Variants in EFNA2 observed in about 807,000 individuals in gnomAD.
EFNA2 encodes ephrin-A2.
Under a neutral mutation model 19.7 loss-of-function variants are expected in EFNA2, and 18 were observed. That is an observed-to-expected ratio of 0.91 (90% CI 0.63 to 1.35). The LOEUF (loss-of-function observed/expected upper bound fraction) is 1.35, where lower values mean the gene tolerates loss of function less well. Among genes scored for constraint, EFNA2 ranks in the 40% most tolerant of loss-of-function variants. EFNA2 has a pLI of 0.00. For missense variants in EFNA2, 303 were observed against 296.0 expected, an observed-to-expected ratio of 1.02 and a Z score of -0.17; for synonymous variants, 187 against 137.8, an observed-to-expected ratio of 1.36 and a Z score of -2.50.
chr19:1,291,906 T>C (rs2081493310), intron 1 of EFNA2, among the ~76,000 whole-genome samples: 1 of 152,038 alleles, frequency 6.6e-6, no homozygotes, highest in Non-Finnish European at 1.5e-5. Flanking sequence ...CCTGGAGGCG[T>C]GGACTTTGGC....
At chr19:1,285,805 C>A (rs2081460632), upstream of EFNA2, among the ~76,000 whole-genome samples, 1 of 148,592 alleles carries the variant, frequency 6.7e-6, no homozygotes, top group Non-Finnish European at 1.5e-5. The surrounding 1 kb of genome is among the most constrained non-coding windows in gnomAD (Gnocchi z 4.1). Flanking sequence ...CGCCCAGTCC[C>A]CGCGCGGCCG....
At position 1,301,214 on chromosome 19, in the gene EFNA2, T is replaced by A. The variant is rs1600064254; in HGVS notation, c.*1269T>A. Among the ~76,000 whole-genome samples, 2 of 149,830 alleles carry A rather than the reference T, an allele frequency of 1.3e-5. No homozygotes were observed. The highest frequency in any genetic ancestry group is 3.9e-4 in the East Asian group (2 of 5,144). On this transcript the variant is annotated 3_prime_UTR_variant, in exon 4 of 4. Coordinates refer to ENST00000215368, the MANE Select transcript of EFNA2 (RefSeq NM_001405.4). ...TCTACCCGCCTTTCCTGACTCTGTGTTTTATATATATTATATATAAATATA... is the reference window on the plus strand; with the variant it reads ...TCTACCCGCCTTTCCTGACTCTGTGATTTATATATATTATATATAAATATA...
intron 1 of EFNA2, among the ~76,000 whole-genome samples, chr19:1,291,545 C>T (rs901619433): frequency 6.6e-6 from 1 of 152,074 alleles, no homozygotes; most frequent in East Asian, 1.9e-4. Flanking sequence ...CTTCAGGACC[C>T]GGGCTGCCTG....
chr19:1,295,675 C>G lies in EFNA2; in HGVS notation c.271C>G (p.Leu91Val), dbSNP rs1011707206. The G allele has an allele frequency of 6.2e-7, 1 of 1,611,190 alleles. No homozygotes were observed. The highest frequency in any genetic ancestry group is 8.5e-7 in the Non-Finnish European group (1 of 1,179,262). Reference protein sequence around the residue: ...PPAERMEHYVLYMVNGEGHAS... With the variant: ...PPAERMEHYVVYMVNGEGHAS... ...GGCCGAGCGCATGGAGCACTACGTG[C>G]TGTACATGGTCAACGGCGAGGGCCA... Residue 91 changes from leucine (L) to valine (V), a missense_variant, in exon 2 of 4, where the codon CTG becomes GTG. Transcript: ENST00000215368. This position sits in a 1 kb window ranked among gnomAD's most constrained non-coding sequence, Gnocchi z 5.8.
At chr19:1,298,272 G>C (rs1329364567) in intron 2 of EFNA2, among the ~76,000 whole-genome samples, 6 of 151,966 alleles carry the variant, frequency 3.9e-5, no homozygotes, top group Non-Finnish European at 5.9e-5. Context: ...AGCTCACCCT[G>C]TGCTGCCCTG....
In EFNA2 at chr19:1,287,278, G is replaced by A. The variant is rs565873605; in HGVS notation, c.140+970G>A. Among the ~76,000 whole-genome samples the A allele has an allele frequency of 3.9e-5, 6 of 152,246 alleles. No individual in the cohort carries two copies. Among genetic ancestry groups the A allele is most frequent in the African/African-American group, 7.2e-5 (3 of 41,534 alleles). On this transcript the variant is annotated intron_variant, in intron 1 of 3. Coordinates refer to ENST00000215368, the MANE Select transcript of EFNA2 (RefSeq NM_001405.4). This position sits in a 1 kb window ranked among gnomAD's most constrained non-coding sequence, Gnocchi z 6.2. ...CTTCCCTGGGGGTCCCGTGGGAGCC[G>A]GGGCTTTGGGGGTCCTGGGGCTCGG... is the stretch of plus-strand genomic sequence containing the variant.
rs145610578 is a variant in EFNA2, at chr19:1,287,127, C to T, written c.140+819C>T. Among the ~76,000 whole-genome samples, 579 of 152,310 alleles carry T rather than the reference C, an allele frequency of 3.8e-3. 3 individuals carry two copies. The highest frequency in any genetic ancestry group is 0.013 in the African/African-American group (529 of 41,558). The stretch of plus-strand genomic sequence containing the variant: ...TGAACCAGGTCCGGGCCAGGCACAA[C>T]GTGGGGGACAGGAGAAGCCCCCGTT... On this transcript the variant is annotated intron_variant, in intron 1 of 3. Transcript: ENST00000215368. The surrounding 1 kb of genome is among the most constrained non-coding windows in gnomAD (Gnocchi z 6.2).
At position 1,296,680 on chromosome 19, in the gene EFNA2, G is replaced by A. The variant is rs1300293990; in HGVS notation, c.454+822G>A. On this transcript the variant is annotated intron_variant, in intron 2 of 3. Coordinates refer to ENST00000215368, the MANE Select transcript of EFNA2 (RefSeq NM_001405.4). This position sits in a 1 kb window ranked among gnomAD's most constrained non-coding sequence, Gnocchi z 4.4. ...AAGAAAAAAACCCCACAGGGCCCCTGCCGCACCAGCCGCACCCAGACTGGG... is the reference window on the plus strand; with the variant it reads ...AAGAAAAAAACCCCACAGGGCCCCTACCGCACCAGCCGCACCCAGACTGGG... Among the ~76,000 whole-genome samples the A allele has an allele frequency of 6.6e-6, 1 of 152,144 alleles. No homozygotes were observed. The highest frequency in any genetic ancestry group is 6.5e-5 in the Admixed American group (1 of 15,276).
chr19:1,295,583 C>T lies in EFNA2; in HGVS notation c.179C>T (p.Thr60Met), dbSNP rs946603395. The change falls in exon 2 of 4, where the codon ACG becomes ATG. Residue 60 changes from threonine to methionine, a missense_variant. By Grantham distance (81) the Thr-to-Met change is moderately conservative. Coordinates refer to ENST00000215368, the MANE Select transcript of EFNA2 (RefSeq NM_001405.4). This position sits in a 1 kb window ranked among gnomAD's most constrained non-coding sequence, Gnocchi z 5.8. ...GCGGGGGACGACGGCGGGGGCTACA[C>T]GGTGGAGGTGAGCATCAATGACTAC... ...AGAGDDGGGYTVEVSINDYLD... is the reference protein window; with the variant it reads ...AGAGDDGGGYMVEVSINDYLD... 6.2e-7 allele frequency: 1 copy of T among 1,608,600 alleles called. No individual in the cohort carries two copies. Among genetic ancestry groups the T allele is most frequent in the Admixed American group, 1.7e-5 (1 of 59,564 alleles).
chr19:1,295,415 C>G lies in EFNA2; in HGVS notation c.141-130C>G. The G allele has an allele frequency of 1.0e-6, 1 of 978,896 alleles. No individual in the cohort carries two copies. The highest frequency in any genetic ancestry group is 1.4e-6 in the Non-Finnish European group (1 of 697,246). 60.6% of individuals were successfully genotyped at this position (978,896 alleles called of 1,614,324 possible). A position where few individuals can be genotyped will look rare whatever the true frequency, so the allele number is the denominator to read the frequency against. On this transcript the variant is annotated intron_variant, in intron 1 of 3. Coordinates refer to ENST00000215368, the MANE Select transcript of EFNA2 (RefSeq NM_001405.4). The surrounding 1 kb of genome is among the most constrained non-coding windows in gnomAD (Gnocchi z 5.8). ...TGACCCGTCCCCCGTGCTCCTGACC[C>G]CGGCCCTCGCCGCGCACCCCGACCC...
chr19:1,298,478 A>C, intron 2 of EFNA2, 73 bp from the exon 3 acceptor site: 1 of 1,507,266 alleles, frequency 6.6e-7, no homozygotes, highest in Non-Finnish European at 9.1e-7. Context: ...AAGGTGGGGA[A>C]GGGAGTACAG....
At chr19:1,288,871 T>C (rs2081478318) in intron 1 of EFNA2, among the ~76,000 whole-genome samples, 1 of 152,176 alleles carries the variant, frequency 6.6e-6, no homozygotes, top group South Asian at 2.1e-4. Context: ...TGGGTACCCC[T>C]GAGCTGGCCG....
Position 1,289,724 on chromosome 19 carries a change from A to C in EFNA2, c.140+3416A>C, listed in dbSNP as rs572002147. 5.9e-5 allele frequency among the ~76,000 whole-genome samples: 9 copies of C among 152,250 alleles called. No individual in the cohort carries two copies. In the South Asian group the frequency reaches 1.9e-3, roughly 32 times the overall value. On this transcript the variant is annotated intron_variant, in intron 1 of 3. Coordinates refer to ENST00000215368, the MANE Select transcript of EFNA2 (RefSeq NM_001405.4). ...TGTGGGCAGCAGCCGGGTTCCCCTC[A>C]AACACTGGATGGAAAATGGTGACCT...
chr19:1,289,714 G>T (rs2081482491), intron 1 of EFNA2, among the ~76,000 whole-genome samples: 1 of 152,188 alleles, frequency 6.6e-6, no homozygotes, highest in Non-Finnish European at 1.5e-5. Flanking sequence ...GCAGCAGCCG[G>T]GTTCCCCTCA....
In EFNA2 at chr19:1,287,840, T is replaced by C; in HGVS notation, c.140+1532T>C. 6.6e-6 allele frequency among the ~76,000 whole-genome samples: 1 copy of C among 152,360 alleles called. No homozygotes were observed. Among genetic ancestry groups the C allele is most frequent in the East Asian group, 1.9e-4 (1 of 5,188 alleles). On this transcript the variant is annotated intron_variant, in intron 1 of 3. Coordinates refer to ENST00000215368, the MANE Select transcript of EFNA2 (RefSeq NM_001405.4). This position sits in a 1 kb window ranked among gnomAD's most constrained non-coding sequence, Gnocchi z 6.2. ...GGAATCTCCCGTCCCCAGCGTGGCC[T>C]GTCCTTTGTTCTAGCAAACGCCAAA...
rs890880898 is a variant in EFNA2, at chr19:1,286,059, T to G, written c.-110T>G. On this transcript the variant is annotated 5_prime_UTR_variant, in exon 1 of 4. Coordinates refer to ENST00000215368, the MANE Select transcript of EFNA2 (RefSeq NM_001405.4). The surrounding 1 kb of genome is among the most constrained non-coding windows in gnomAD (Gnocchi z 5.6). ...ATCTCCAAGCGCCGCCGCGCCCTCCTCCCGCCCGCCCTCCGCCCGCCCGCT... is the reference window on the plus strand; with the variant it reads ...ATCTCCAAGCGCCGCCGCGCCCTCCGCCCGCCCGCCCTCCGCCCGCCCGCT... 3 of 224,358 alleles carry G rather than the reference T, an allele frequency of 1.3e-5. No homozygotes were observed. Among genetic ancestry groups the G allele is most frequent in the Non-Finnish European group, 2.2e-5 (3 of 139,490 alleles). The allele number at this position is 224,358 out of a possible 1,614,324, so 13.9% of individuals were successfully genotyped here. A position where few individuals can be genotyped will look rare whatever the true frequency, so the allele number is the denominator to read the frequency against.
At chr19:1,298,316 C>T (rs2081525244) in intron 2 of EFNA2, among the ~76,000 whole-genome samples, 1 of 152,050 alleles carries the variant, frequency 6.6e-6, no homozygotes. Flanking sequence ...ACACAGACAC[C>T]CCCAGGTTCT....
At position 1,285,945 on chromosome 19, in the gene EFNA2, G is replaced by A. The variant is rs1305551112; in HGVS notation, c.-224G>A. 6.9e-6 allele frequency among the ~76,000 whole-genome samples: 1 copy of A among 145,302 alleles called. No individual in the cohort carries two copies. The highest frequency in any genetic ancestry group is 6.8e-5 in the Admixed American group (1 of 14,676). On this transcript the variant is annotated 5_prime_UTR_variant, in exon 1 of 4. Transcript: ENST00000215368. The surrounding 1 kb of genome is among the most constrained non-coding windows in gnomAD (Gnocchi z 4.1). ...CCGACAGTCCGCGCGGCCGGGTCCT[G>A]CGCCCGGGGCGACCCCGGCGCCCCG...
rs1202069351 is a variant in EFNA2, at chr19:1,294,039, G to A, written c.141-1506G>A. On this transcript the variant is annotated intron_variant, in intron 1 of 3. Transcript: ENST00000215368. The surrounding 1 kb of genome is among the most constrained non-coding windows in gnomAD (Gnocchi z 5.8). ...AGGCCGGGGTGGCGGTGGCTGTGCC[G>A]GGCTAGAGGCAGTGCCAGGGCCGGG... Among the ~76,000 whole-genome samples the A allele has an allele frequency of 3.3e-5, 5 of 152,248 alleles. No homozygotes were observed. The South Asian group carries it at 8.3e-4, about 25-fold the overall frequency.
Sources: gnomAD v4.1 joint callset for allele counts (sites outside exome capture counted in the v4.1 genomes callset) on GRCh38, gnomAD v4.1.1 for gene constraint, Gnocchi (gnomAD v3.1) non-coding constraint, MANE v1.5 for transcripts, NCBI Gene and HGNC (gene_info 2026-07-23, HGNC 2026-07-21) for gene names.